Variants in CCDC187 observed in about 807,000 individuals in gnomAD.
The protein encoded by CCDC187 is coiled-coil domain containing 187, also known as coiled-coil domain-containing protein 187.
CCDC187 carries 32 observed loss-of-function variants against 38.0 expected under a neutral mutation model. The ratio of observed to expected loss-of-function variants is 0.84; its 90% CI spans 0.64 to 1.13. The LOEUF (loss-of-function observed/expected upper bound fraction) is 1.13, where lower values mean the gene tolerates loss of function less well. Ranked by LOEUF, CCDC187 falls within the 50% of genes most tolerant of loss-of-function variation. The probability of loss-of-function intolerance (pLI) is 0.00; values close to 1 mark genes in which losing one functional copy is unlikely to be tolerated. For synonymous variants in CCDC187, 333 were observed against 347.9 expected (o/e 0.96, Z 0.48); for missense variants, 707 against 786.8 (o/e 0.90, Z 1.21).
intron 25 of CCDC187, 143 bp downstream of exon 25, chr9:136,255,514 G>T: frequency 4.6e-6 from 1 of 216,692 alleles, no homozygotes; most frequent in Non-Finnish European, 7.9e-6. Flanking sequence ...GGGGAGGTGC[G>T]TGGGCAGAGC....
At chr9:136,266,128 C>T (rs1039271677) in intron 16 of CCDC187, 85 bp from the exon 17 acceptor site, 4 of 790,226 alleles carry the variant, frequency 5.1e-6, no homozygotes, top group African/African-American at 1.9e-5. Context: ...CAGCCCTGGT[C>T]GGCCACATCA....
intron 20 of CCDC187, among the ~76,000 whole-genome samples, 193 bp from the exon 21 acceptor site, chr9:136,259,641 C>A (rs1830658055): frequency 6.6e-6 from 1 of 152,164 alleles, no homozygotes; most frequent in Non-Finnish European, 1.5e-5. Flanking sequence ...GCCTGGAGGC[C>A]CGAGGGTCTG....
rs1024070017 is a variant in CCDC187 at position 136,298,539 on chromosome 9, A to G, written c.725-718T>C. ...GGAGTATCTGGGAAGCCGCCATGCGAGAACCTGCCTTGTCCCCATGGGTGG... is the reference window on the plus strand; with the variant it reads ...GGAGTATCTGGGAAGCCGCCATGCGGGAACCTGCCTTGTCCCCATGGGTGG... On this transcript the variant is annotated intron_variant, in intron 3 of 25. Coordinates refer to ENST00000638797, the MANE Select transcript of CCDC187 (RefSeq NM_001378188.1). Among the ~76,000 whole-genome samples, 62 of 152,320 alleles carry G rather than the reference A, an allele frequency of 4.1e-4. 2 individuals carry two copies. In the South Asian group the frequency reaches 7.9e-3, roughly 19 times the overall value.
chr9:136,273,880 C>G (rs149691427), intron 14 of CCDC187, among the ~76,000 whole-genome samples: 1 of 152,370 alleles, frequency 6.6e-6, no homozygotes, highest in Non-Finnish European at 1.5e-5. Context: ...GGGAAGTCAC[C>G]GCATCTGCCA....
At position 136,291,255 on chromosome 9, in the gene CCDC187, G is replaced by A. The variant is rs919344468; in HGVS notation, c.1358C>T (p.Ser453Phe). ...SVHTWEPWSS[S>F]TARESCPQRA... ...CTGCGGACAGGACTCCCGTGCAGTG[G>A]AGGAGCTCCAGGGCTCCCAGGTGTG... The change falls in exon 6 of 26, where the codon TCC becomes TTC. Residue 453 changes from serine to phenylalanine, a missense_variant. Coordinates refer to ENST00000638797, the MANE Select transcript of CCDC187 (RefSeq NM_001378188.1). The A allele has an allele frequency of 7.3e-5, 29 of 398,528 alleles. No homozygotes were observed. Among genetic ancestry groups the A allele is most frequent in the African/African-American group, 4.1e-4 (20 of 48,658 alleles). The allele number at this position is 398,528 out of a possible 1,614,324, so 24.7% of individuals were successfully genotyped here.
intron 14 of CCDC187, among the ~76,000 whole-genome samples, chr9:136,270,187 C>G (rs1431738944): frequency 1.3e-5 from 2 of 152,140 alleles, no homozygotes; most frequent in African/African-American, 4.8e-5. Flanking sequence ...GATGAGAGAT[C>G]GTAAGAAATA....
intron 7 of CCDC187, among the ~76,000 whole-genome samples, chr9:136,288,905 A>G (rs1269346678): frequency 1.3e-5 from 2 of 152,252 alleles, no homozygotes; most frequent in African/African-American, 4.8e-5. Context: ...AAAGCTGCAC[A>G]CAGAGGTGCA....
rs1356606065 is a variant in CCDC187, at chr9:136,297,794, T to C, written c.752A>G (p.Lys251Arg). The C allele has an allele frequency of 5.0e-6, 2 of 398,576 alleles. No individual in the cohort carries two copies. Among genetic ancestry groups the C allele is most frequent in the African/African-American group, 4.1e-5 (2 of 48,650 alleles). 24.7% of individuals were successfully genotyped at this position (398,576 alleles called of 1,614,324 possible). The change falls in exon 4 of 26, where the codon AAA becomes AGA. Residue 251 changes from lysine to arginine, a missense_variant. Physicochemically the swap from Lys to Arg is conservative, Grantham distance 26 (BLOSUM62 2). Transcript: ENST00000638797. ...CTTCTCTCTTTTGCAAGAACTGCTT[T>C]TGACCCTTTTGGGTTTTTCCCTCAG... ...PVLREKPKRV[K>R]SSSCKREKTP... is the part of the protein sequence containing the mutation.
At chr9:136,288,458 G>T (rs1211265388) in intron 7 of CCDC187, among the ~76,000 whole-genome samples, 1 of 152,170 alleles carries the variant, frequency 6.6e-6, no homozygotes, top group African/African-American at 2.4e-5. Flanking sequence ...CGCTCTGGTG[G>T]GTGGGAGCCC....
chr9:136,291,362 G>C lies in CCDC187; in HGVS notation c.1251C>G (p.Pro417=), dbSNP rs1053661301. ...TCTTAGAGAAGGAGCTCTGGGCATT[G>C]GGGTCCCTGCAGCAGCCCCTCCCTG... ...DVAGRGCCRD[P]NAQSSFSKSP... Residue 417 remains proline (P), a synonymous_variant, in exon 6 of 26, where the codon CCC becomes CCG. Transcript: ENST00000638797. 2.5e-6 allele frequency: 1 copy of C among 399,028 alleles called. No homozygotes were observed. The allele number at this position is 399,028 out of a possible 1,614,324, so 24.7% of individuals were successfully genotyped here.
chr9:136,271,227 G>A (rs1554762354), intron 14 of CCDC187, among the ~76,000 whole-genome samples: 1 of 152,134 alleles, frequency 6.6e-6, no homozygotes, highest in African/African-American at 2.4e-5. Context: ...AAACCCAGAG[G>A]ACAAGAAATA....
At position 136,291,330 on chromosome 9, in the gene CCDC187, C is replaced by CTT; in HGVS notation, c.1282_1283insAA (p.Trp428Ter). 2 of 398,806 alleles carry CTT rather than the reference C, an allele frequency of 5.0e-6. No homozygotes were observed. Among genetic ancestry groups the CTT allele is most frequent in the Non-Finnish European group, 8.8e-6 (2 of 226,184 alleles). 24.7% of individuals were successfully genotyped at this position (398,806 alleles called of 1,614,324 possible). A position where few individuals can be genotyped will look rare whatever the true frequency, so the allele number is the denominator to read the frequency against. Residue 428 changes from tryptophan to a stop codon, truncating the protein, a stop_gained and frameshift_variant, in exon 6 of 26, where the codon TGG becomes TAAGG. Coordinates refer to ENST00000638797, the MANE Select transcript of CCDC187 (RefSeq NM_001378188.1). LOFTEE classifies it high-confidence loss of function. ...NAQSSFSKSP[W>*]AMTERKHSSL... Reference sequence around the variant, plus strand: ...GGAATGCTTCCTCTCTGTCATGGCCCAGGGACTCTTAGAGAAGGAGCTCTG... The same window carrying CTT: ...GGAATGCTTCCTCTCTGTCATGGCCCTTAGGGACTCTTAGAGAAGGAGCTCTG...
chr9:136,293,243 TC>T (rs1218422936), intron 4 of CCDC187, among the ~76,000 whole-genome samples: 3 of 92,974 alleles, frequency 3.2e-5, no homozygotes, highest in African/African-American at 1.4e-4. Context: ...ACGCTCACAC[TC>T]ACATGCTTAC....
rs1012342934 is a variant in CCDC187, at chr9:136,257,792, C to T, written c.4367-951G>A. 7.2e-5 allele frequency among the ~76,000 whole-genome samples: 11 copies of T among 152,244 alleles called. No homozygotes were observed. The highest frequency in any genetic ancestry group is 4.1e-4 in the South Asian group (2 of 4,832). ...ACACCTGCCCTCTTGTCCGTGGCTC[C>T]GGGTGACCCCAGCGACCACAATGGG... On this transcript the variant is annotated intron_variant, in intron 22 of 25. Transcript: ENST00000638797. The surrounding 1 kb of genome is among the most constrained non-coding windows in gnomAD (Gnocchi z 4.5).
chr9:136,306,389 AC>A (rs1474691580), upstream of CCDC187, among the ~76,000 whole-genome samples: 1 of 151,744 alleles, frequency 6.6e-6, no homozygotes, highest in African/African-American at 2.4e-5. Context: ...GACCTCTGTC[AC>A]CCCTCCTGAG....
intron 2 of CCDC187, among the ~76,000 whole-genome samples, chr9:136,300,999 G>C (rs1331544829): frequency 6.6e-6 from 1 of 152,214 alleles, no homozygotes; most frequent in Non-Finnish European, 1.5e-5. Flanking sequence ...CACGACGCAG[G>C]CATCTCACAC....
chr9:136,290,595 T>C lies in CCDC187; in HGVS notation c.2018A>G (p.Gln673Arg). Residue 673 changes from glutamine to arginine, a missense_variant, in exon 6 of 26, where the codon CAG (glutamine) becomes CGG (arginine). Gln to Arg is a conservative substitution (Grantham distance 43). Coordinates refer to ENST00000638797, the MANE Select transcript of CCDC187 (RefSeq NM_001378188.1). ...RTRELRSRRL[Q>R]EVYRQQREAV... ...CTCCCTCTGCTGCCGGTAGACCTCC[T>C]GCAGCCTCCGGCTCCTCAGCTCCCG... The C allele has an allele frequency of 2.5e-6, 1 of 398,622 alleles. No homozygotes were observed. The allele number at this position is 398,622 out of a possible 1,614,324, so 24.7% of individuals were successfully genotyped here. A position where few individuals can be genotyped will look rare whatever the true frequency, so the allele number is the denominator to read the frequency against.
Position 136,250,969 on chromosome 9 carries a change from CTCCG to C in CCDC187, c.*2621_*2624del. 1 of 455,832 alleles carries C rather than the reference CTCCG, an allele frequency of 2.2e-6. No individual in the cohort carries two copies. Among genetic ancestry groups the C allele is most frequent in the Non-Finnish European group, 4.4e-6 (1 of 226,534 alleles). The allele number at this position is 455,832 out of a possible 1,614,324, so 28.2% of individuals were successfully genotyped here. A position where few individuals can be genotyped will look rare whatever the true frequency, so the allele number is the denominator to read the frequency against. On this transcript the variant is annotated 3_prime_UTR_variant, in exon 26 of 26. Transcript: ENST00000638797. ...GCTATGGGGTAGAGGGCCTTGGCAGCTCCGTGTGTCCTGTGACCTGGCATCTTAG... is the reference window on the plus strand; with the variant it reads ...GCTATGGGGTAGAGGGCCTTGGCAGCTGTGTCCTGTGACCTGGCATCTTAG...
intron 4 of CCDC187, among the ~76,000 whole-genome samples, chr9:136,293,524 T>C (rs1048716763): frequency 7.8e-5 from 4 of 51,260 alleles, no homozygotes; most frequent in African/African-American, 1.8e-4. Context: ...CATGCTCACA[T>C]ACACGCTTAC....
Sources: allele counts gnomAD v4.1 joint callset (sites outside exome capture counted in the v4.1 genomes callset), GRCh38; gene constraint gnomAD v4.1.1; non-coding constraint Gnocchi (gnomAD v3.1); transcripts MANE v1.5; gene names NCBI Gene and HGNC (gene_info 2026-07-23, HGNC 2026-07-21).